DISC1: variants seen among roughly 807,000 people sequenced by gnomAD.
The protein encoded by DISC1 is disrupted in schizophrenia 1 protein.
Under a neutral mutation model 84.5 loss-of-function variants are expected in DISC1, and 57 were observed. The observed-to-expected ratio is 0.67, with a 90% CI of 0.55 to 0.84. The LOEUF is 0.84. Among genes scored for constraint, DISC1 ranks in the 40% least tolerant of loss-of-function variants. The probability of loss-of-function intolerance (pLI) is 0.00; values close to 1 mark genes in which losing one functional copy is unlikely to be tolerated. For missense variants in DISC1, 1,000 were observed against 1,057.8 expected, an observed-to-expected ratio of 0.95 and a Z score of 0.76; for synonymous variants, 411 against 415.2, an observed-to-expected ratio of 0.99 and a Z score of 0.12.
rs1355639389 is a variant in DISC1, at chr1:231,852,601, A to G, written c.1981+34084A>G. On this transcript the variant is annotated intron_variant, in intron 9 of 12. Transcript: ENST00000439617. ...TGCGCACCTGGTCTTAAGTCAGGGC[A>G]GGAGTGGCTAATTAATTCTCTGATT... Among the ~76,000 whole-genome samples, 4 of 152,268 alleles carry G rather than the reference A, an allele frequency of 2.6e-5. 1 individual carries two copies. The highest frequency in any genetic ancestry group is 7.2e-5 in the African/African-American group (3 of 41,478).
intron 8 of DISC1, chr1:231,815,082 GTGGGGTTTTCTA>G (rs1294855317): frequency 6.6e-6 from 1 of 151,794 alleles, no homozygotes; most frequent in Non-Finnish European, 1.5e-5. Context: ...AGAAAACACA[GTGGGGTTTTCTA>G]ATTAACACTA....
chr1:231,852,579 G>C (rs1433283947), intron 9 of DISC1, among the ~76,000 whole-genome samples: 1 of 152,208 alleles, frequency 6.6e-6, no homozygotes, highest in East Asian at 1.9e-4. Context: ...GGGCACATGC[G>C]CACCTGGTCT....
intron 6 of DISC1, among the ~76,000 whole-genome samples, chr1:231,781,984 G>C (rs1451985536): frequency 1.3e-5 from 2 of 152,182 alleles, no homozygotes; most frequent in African/African-American, 4.8e-5. Context: ...GCTGTGGAAG[G>C]GTGATTAATC....
intron 1 of DISC1, among the ~76,000 whole-genome samples, chr1:231,652,383 T>C (rs2060705747): frequency 6.6e-6 from 1 of 152,232 alleles, no homozygotes; most frequent in Non-Finnish European, 1.5e-5. Context: ...TTTTCCAACT[T>C]GCTTGAAGTA....
intron 12 of DISC1, among the ~76,000 whole-genome samples, chr1:232,030,614 A>T (rs1011652120): frequency 9.9e-5 from 15 of 152,184 alleles, no homozygotes; most frequent in Non-Finnish European, 2.2e-4. Flanking sequence ...CTCTAAATAC[A>T]TCCAGGTTTG....
At chr1:231,975,769 A>G (rs1022974623) in intron 10 of DISC1, among the ~76,000 whole-genome samples, 1 of 152,362 alleles carries the variant, frequency 6.6e-6, no homozygotes, top group Middle Eastern at 3.4e-3. Context: ...GTGGGTGTTA[A>G]AAAATGTGTT....
At chr1:231,812,873 C>T (rs2080450443) in intron 8 of DISC1, among the ~76,000 whole-genome samples, 1 of 152,192 alleles carries the variant, frequency 6.6e-6, no homozygotes, top group African/African-American at 2.4e-5. Context: ...GGGATTAGAT[C>T]TGAGGTCAAA....
intron 9 of DISC1, among the ~76,000 whole-genome samples, chr1:231,940,385 C>A (rs923133771): frequency 4.6e-5 from 7 of 152,180 alleles, no homozygotes; most frequent in African/African-American, 9.7e-5. Context: ...TCTCCCGAGC[C>A]AAGGGGGACA....
At chr1:231,841,643 T>G (rs1191226335) in intron 9 of DISC1, among the ~76,000 whole-genome samples, 1 of 152,230 alleles carries the variant, frequency 6.6e-6, no homozygotes, top group Non-Finnish European at 1.5e-5. Flanking sequence ...TGGCTTCTTT[T>G]CAAGGAACTA....
At chr1:231,706,193 A>G (rs1024843184) in intron 3 of DISC1, among the ~76,000 whole-genome samples, 1 of 152,220 alleles carries the variant, frequency 6.6e-6, no homozygotes, top group Non-Finnish European at 1.5e-5. Context: ...GCTTTCATTA[A>G]TAGCATTTAC....
intron 9 of DISC1, among the ~76,000 whole-genome samples, chr1:231,820,641 C>T (rs1431516950): frequency 6.6e-6 from 1 of 152,190 alleles, no homozygotes; most frequent in Admixed American, 6.5e-5. Context: ...ACAACATGTG[C>T]CATTCAGTCC....
rs200043911 is a variant in DISC1, at chr1:231,818,371, G to A, written c.1835G>A (p.Arg612Lys). The change falls in exon 9 of 13, where the codon AGA becomes AAA. Residue 612 changes from arginine to lysine, a missense_variant. Transcript: ENST00000439617. Reference protein sequence around the residue: ...WTAKDLTEEIRSLTSEREGLE... With the variant: ...WTAKDLTEEIKSLTSEREGLE... ...GCTAAAGACCTCACCGAGGAGATTA[G>A]ATCATTAACATCAGAGAGAGAAGGG... is the stretch of plus-strand genomic sequence containing the variant. The A allele has an allele frequency of 1.3e-5, 21 of 1,614,104 alleles. No individual in the cohort carries two copies. The highest frequency in any genetic ancestry group is 1.7e-5 in the Non-Finnish European group (20 of 1,179,972).
intron 1 of DISC1, among the ~76,000 whole-genome samples, chr1:231,692,630 A>G (rs1354073307): frequency 2.0e-5 from 3 of 152,236 alleles, no homozygotes; most frequent in African/African-American, 4.8e-5. Flanking sequence ...ATTTCTCGCC[A>G]TAGGCCATGG....
intron 1 of DISC1, among the ~76,000 whole-genome samples, chr1:231,649,556 G>C (rs1294889285): frequency 6.6e-6 from 1 of 152,244 alleles, no homozygotes; most frequent in Admixed American, 6.5e-5. Context: ...GGAGAGTTCT[G>C]TAGATGTCTA....
intron 10 of DISC1, among the ~76,000 whole-genome samples, chr1:232,004,262 C>T (rs1667063079): frequency 6.6e-6 from 1 of 151,324 alleles, no homozygotes; most frequent in African/African-American, 2.4e-5. Flanking sequence ...GAACAAAGAT[C>T]AATATGAAGA....
At chr1:231,761,890 T>C (rs146066709) in intron 4 of DISC1, among the ~76,000 whole-genome samples, 90 of 152,184 alleles carry the variant, frequency 5.9e-4, no homozygotes, top group African/African-American at 2.0e-3. Flanking sequence ...CACCATGAGA[T>C]GAGCTCAGTC....
intron 4 of DISC1, among the ~76,000 whole-genome samples, chr1:231,761,946 C>T (rs1295757869): frequency 6.6e-6 from 1 of 152,044 alleles, no homozygotes; most frequent in Non-Finnish European, 1.5e-5. Context: ...TGCAAACAGG[C>T]TGAGACTCTG....
At chr1:231,939,096 T>C (rs1236817417) in intron 9 of DISC1, among the ~76,000 whole-genome samples, 1 of 152,212 alleles carries the variant, frequency 6.6e-6, no homozygotes, top group African/African-American at 2.4e-5. Context: ...GTATTGTATG[T>C]TTACTTACCA....
chr1:231,929,713 G>A (rs1028308227), intron 9 of DISC1, among the ~76,000 whole-genome samples: 9 of 152,288 alleles, frequency 5.9e-5, no homozygotes, highest in African/African-American at 1.9e-4. Context: ...AGGAGTTTAG[G>A]GGACAGAAAA....
Sources: allele counts gnomAD v4.1 joint callset (sites outside exome capture counted in the v4.1 genomes callset), GRCh38; gene constraint gnomAD v4.1.1; transcripts MANE v1.5; gene names NCBI Gene and HGNC (gene_info 2026-07-23, HGNC 2026-07-21).